PCDHA8: variants seen among roughly 807,000 people sequenced by gnomAD.
The protein encoded by PCDHA8 is protocadherin alpha-8.
Under a neutral mutation model 61.8 loss-of-function variants are expected in PCDHA8, and 53 were observed. The ratio of observed to expected loss-of-function variants is 0.86; its 90% CI spans 0.69 to 1.08. The LOEUF (loss-of-function observed/expected upper bound fraction) is 1.08. Among genes scored for constraint, PCDHA8 ranks in the 50% least tolerant of loss-of-function variants. The pLI, the probability that PCDHA8 is intolerant of heterozygous loss-of-function variation, is 0.00. For synonymous variants in PCDHA8, 618 were observed against 556.6 expected, an observed-to-expected ratio of 1.11 and a Z score of -1.55; for missense variants, 1,293 against 1,245.0, an observed-to-expected ratio of 1.04 and a Z score of -0.58.
chr5:140,927,674 A>T (rs201769803), intron 1 of PCDHA8: 1 of 1,614,182 alleles, frequency 6.2e-7, no homozygotes, highest in Non-Finnish European at 8.5e-7. Flanking sequence ...TTGGATCCAG[A>T]TGAAGGGTCC....
At chr5:140,927,713 A>G in intron 1 of PCDHA8, 1 of 1,614,180 alleles carries the variant, frequency 6.2e-7, no homozygotes, top group Non-Finnish European at 8.5e-7. Flanking sequence ...TCCCTAAGCA[A>G]CAGCACGCAA....
chr5:140,882,660 C>G lies in PCDHA8; in HGVS notation c.2394+38945C>G, dbSNP rs147326638. Reference sequence around the variant, plus strand: ...GTGAGGGACATTAACGACAACCCGCCCATATTCCCTGAAAGCAAGAAACGA... The same window carrying G: ...GTGAGGGACATTAACGACAACCCGCGCATATTCCCTGAAAGCAAGAAACGA... On this transcript the variant is annotated intron_variant, in intron 1 of 3. Coordinates refer to ENST00000531613, the MANE Select transcript of PCDHA8 (RefSeq NM_018911.3). 14 of 1,614,090 alleles carry G rather than the reference C, an allele frequency of 8.7e-6. No individual in the cohort carries two copies. Among genetic ancestry groups the G allele is most frequent in the African/African-American group, 1.3e-5 (1 of 74,928 alleles).
At chr5:140,919,404 T>C (rs1554199054) in intron 1 of PCDHA8, among the ~76,000 whole-genome samples, 1 of 152,218 alleles carries the variant, frequency 6.6e-6, no homozygotes, top group African/African-American at 2.4e-5. Context: ...TCCTAAAAAC[T>C]CTAGACTGAC....
At chr5:140,983,583 CT>C (rs2153831802) in intron 3 of PCDHA8, among the ~76,000 whole-genome samples, 1 of 152,306 alleles carries the variant, frequency 6.6e-6, no homozygotes, top group African/African-American at 2.4e-5. Context: ...TTTATTACAT[CT>C]ATTCTACATA....
chr5:140,896,260 G>A (rs1304707341), intron 1 of PCDHA8, among the ~76,000 whole-genome samples: 1 of 152,230 alleles, frequency 6.6e-6, no homozygotes, highest in African/African-American at 2.4e-5. Context: ...TATGTACACA[G>A]TTATGGGATT....
In PCDHA8 at chr5:141,010,203, C is replaced by T; in HGVS notation, c.*266C>T. ...AGACCCAAGTTTCCTTTCTCCTCCG[C>T]CGCAAAGGAGAGGCTTCCCAGCCCC... On this transcript the variant is annotated 3_prime_UTR_variant, in exon 4 of 4. Coordinates refer to ENST00000531613, the MANE Select transcript of PCDHA8 (RefSeq NM_018911.3). The T allele has an allele frequency of 1.3e-6, 2 of 1,552,032 alleles. No homozygotes were observed. Among genetic ancestry groups the T allele is most frequent in the Non-Finnish European group, 1.7e-6 (2 of 1,147,066 alleles).
intron 1 of PCDHA8, among the ~76,000 whole-genome samples, chr5:140,935,712 T>C (rs1480290454): frequency 1.3e-5 from 2 of 152,138 alleles, no homozygotes; most frequent in African/African-American, 4.8e-5. Context: ...TAAAACAAAA[T>C]ATATTTAGAG....
In PCDHA8 at chr5:141,010,293, GC is replaced by G; in HGVS notation, c.*357del. The G allele has an allele frequency of 6.5e-7, 1 of 1,549,794 alleles. No individual in the cohort carries two copies. The highest frequency in any genetic ancestry group is 8.7e-7 in the Non-Finnish European group (1 of 1,146,454). On this transcript the variant is annotated 3_prime_UTR_variant, in exon 4 of 4. Transcript: ENST00000531613. ...ATCCTGTCTTGATGACACTTGCAGG[GC>G]AGGCTGAAAAGTTTTGAGATTGAGC...
rs782349051 is a variant in PCDHA8, at chr5:140,857,178, A to G, written c.2394+13463A>G. 8.1e-6 allele frequency: 13 copies of G among 1,598,358 alleles called. No individual in the cohort carries two copies. The South Asian group carries it at 1.3e-4, about 16-fold the overall frequency. On this transcript the variant is annotated intron_variant, in intron 1 of 3. Transcript: ENST00000531613. The stretch of plus-strand genomic sequence containing the variant: ...GCCCTAATCAGCGTTTCTGACCATG[A>G]TTCAGGAGCCAACGGACAGGTCACC...
chr5:140,862,537 C>G (rs56017024), intron 1 of PCDHA8: 1 of 440,558 alleles, frequency 2.3e-6, no homozygotes, highest in Non-Finnish European at 4.6e-6. Context: ...CCATCGGGTC[C>G]GTGGAAGTGG....
chr5:140,859,125 T>C (rs2045735975), intron 1 of PCDHA8: 1 of 150,194 alleles, frequency 6.7e-6, no homozygotes, highest in East Asian at 1.9e-4. Flanking sequence ...TATGTTTCTT[T>C]TATTTACATA....
intron 1 of PCDHA8, chr5:140,926,518 C>T (rs1584446348): frequency 4.9e-6 from 1 of 202,636 alleles, no homozygotes; most frequent in Non-Finnish European, 9.8e-6. Context: ...CAGGCTCCGC[C>T]CTGCGCCCGC....
intron 1 of PCDHA8, chr5:140,851,368 A>T: frequency 1.0e-6 from 1 of 976,356 alleles, no homozygotes; most frequent in Non-Finnish European, 1.2e-6. Flanking sequence ...TGAACATCTG[A>T]TTGTTCAGCA....
intron 3 of PCDHA8, among the ~76,000 whole-genome samples, chr5:140,992,959 T>A (rs1262703040): frequency 6.6e-6 from 1 of 152,206 alleles, no homozygotes; most frequent in Non-Finnish European, 1.5e-5. Context: ...TCACCCCTTA[T>A]ACTGCTGACA....
chr5:140,876,708 C>T, intron 1 of PCDHA8: 7 of 1,614,220 alleles, frequency 4.3e-6, no homozygotes, highest in African/African-American at 1.3e-5. Context: ...TGGACAGCGC[C>T]CTGGACCGCG....
At chr5:140,986,460 G>A (rs1489873666) in intron 3 of PCDHA8, among the ~76,000 whole-genome samples, 1 of 152,176 alleles carries the variant, frequency 6.6e-6, no homozygotes, top group Admixed American at 6.5e-5. Flanking sequence ...TTTAATGAAT[G>A]CCCTCTTGTG....
chr5:140,980,441 A>G (rs1454168972), intron 2 of PCDHA8, among the ~76,000 whole-genome samples: 7 of 152,124 alleles, frequency 4.6e-5, no homozygotes, highest in African/African-American at 1.7e-4. Context: ...ACCATCCTGG[A>G]CAACACGGTG....
At chr5:140,849,651 A>T (rs2041019666) in intron 1 of PCDHA8, 1 of 1,598,758 alleles carries the variant, frequency 6.3e-7, no homozygotes, top group Non-Finnish European at 8.6e-7. Flanking sequence ...CGGGCAGGTT[A>T]CCTGCTCCCT....
At chr5:140,989,315 C>T (rs1285439327) in intron 3 of PCDHA8, among the ~76,000 whole-genome samples, 1 of 152,130 alleles carries the variant, frequency 6.6e-6, no homozygotes, top group East Asian at 1.9e-4. Flanking sequence ...AGTAGGGTCT[C>T]ACCAACTTTG....
Sources: gnomAD v4.1 joint callset for allele counts (sites outside exome capture counted in the v4.1 genomes callset) on GRCh38, gnomAD v4.1.1 for gene constraint, MANE v1.5 for transcripts, NCBI Gene and HGNC (gene_info 2026-07-23, HGNC 2026-07-21) for gene names.